The following DLG5 variants were observed in gnomAD, a reference collection of about 807,000 sequenced individuals.
DLG5 encodes discs large MAGUK scaffold protein 5.
Under a neutral mutation model 189.8 loss-of-function variants are expected in DLG5, and 48 were observed. The ratio of observed to expected loss-of-function variants is 0.25; its 90% CI spans 0.20 to 0.32. The LOEUF (loss-of-function observed/expected upper bound fraction) is 0.32, where lower values mean the gene tolerates loss of function less well. Among genes scored for constraint, DLG5 ranks in the 10% least tolerant of loss-of-function variants. The pLI is 1.00. For missense variants in DLG5, 2,160 were observed against 2,544.7 expected, an observed-to-expected ratio of 0.85 and a Z score of 3.25; for synonymous variants, 1,016 against 1,054.1, an observed-to-expected ratio of 0.96 and a Z score of 0.70.
intron 2 of DLG5, among the ~76,000 whole-genome samples, chr10:77,863,569 A>T (rs887644220): frequency 6.6e-6 from 1 of 152,236 alleles, no homozygotes; most frequent in Non-Finnish European, 1.5e-5. Flanking sequence ...TGGGTTGTCA[A>T]CAAAAGCCTC....
chr10:77,841,213 G>T (rs71475686), intron 7 of DLG5, among the ~76,000 whole-genome samples: 1 of 152,168 alleles, frequency 6.6e-6, no homozygotes, highest in African/African-American at 2.4e-5. Flanking sequence ...AAGGAGCTCC[G>T]CGATGAGGAG....
intron 1 of DLG5, among the ~76,000 whole-genome samples, chr10:77,879,109 A>C (rs1442945817): frequency 2.0e-5 from 3 of 152,196 alleles, no homozygotes; most frequent in Admixed American, 6.5e-5. Flanking sequence ...GCTATGAAGA[A>C]AAATGTTGCA....
chr10:77,883,172 T>C (rs558843700), intron 1 of DLG5, among the ~76,000 whole-genome samples: 2 of 152,162 alleles, frequency 1.3e-5, no homozygotes, highest in Admixed American at 1.3e-4. Flanking sequence ...ACTGGAAGGA[T>C]GGAAGCAGGG....
At position 77,812,086 on chromosome 10, in the gene DLG5, G is replaced by T. The variant is rs372072459; in HGVS notation, c.4189-29C>A. Reference sequence around the variant, plus strand: ...GGGAAACACCAGGATGGGCTCAGTGGGGGGGTCGGGGCTGTGGACAGGGAG... The same window carrying T: ...GGGAAACACCAGGATGGGCTCAGTGTGGGGGTCGGGGCTGTGGACAGGGAG... On this transcript the variant is annotated intron_variant, in intron 21 of 31. Coordinates refer to ENST00000372391, the MANE Select transcript of DLG5 (RefSeq NM_004747.4). 1,432 of 1,606,154 alleles carry T rather than the reference G, an allele frequency of 8.9e-4. 5 individuals are homozygous for T. Among genetic ancestry groups the T allele is most frequent in the East Asian group, 1.8e-3 (81 of 44,802 alleles).
At chr10:77,797,189 T>C (rs1189950100) in intron 27 of DLG5, among the ~76,000 whole-genome samples, 2 of 152,180 alleles carry the variant, frequency 1.3e-5, no homozygotes, top group Non-Finnish European at 2.9e-5. Context: ...GACAGAGAAA[T>C]AAACTGCCCA....
chr10:77,932,788 G>C, the DLG5 span, among the ~76,000 whole-genome samples: 7 of 152,192 alleles, frequency 4.6e-5, no homozygotes, highest in African/African-American at 1.7e-4. Context: ...TAAGCACCAG[G>C]AGCTCCACCC....
In DLG5 at chr10:77,841,997, G is replaced by T; in HGVS notation, c.1321C>A (p.Gln441Lys). 2 of 1,614,198 alleles carry T rather than the reference G, an allele frequency of 1.2e-6. No homozygotes were observed. Among genetic ancestry groups the T allele is most frequent in the Non-Finnish European group, 1.7e-6 (2 of 1,180,034 alleles). ...EYKLIMSERD[Q>K]VISELDKLQT... ...AGCTTGTCCAGCTCAGAGATGACCTGGTCACGCTCACTCATGATGAGCTTG... is the reference window on the plus strand; with the variant it reads ...AGCTTGTCCAGCTCAGAGATGACCTTGTCACGCTCACTCATGATGAGCTTG... Residue 441 changes from glutamine (Q) to lysine (K), a missense_variant, in exon 7 of 32, where the codon CAG becomes AAG. Gln to Lys is a moderately conservative substitution (Grantham distance 53, BLOSUM62 1). Coordinates refer to ENST00000372391, the MANE Select transcript of DLG5 (RefSeq NM_004747.4).
At chr10:77,872,081 C>T (rs771825190) in intron 1 of DLG5, among the ~76,000 whole-genome samples, 1 of 152,264 alleles carries the variant, frequency 6.6e-6, no homozygotes, top group Admixed American at 6.5e-5. Flanking sequence ...TTTTGGAAGA[C>T]GTCTACTCAG....
chr10:77,796,254 G>A lies in DLG5; in HGVS notation c.5309-66C>T, dbSNP rs77241270. On this transcript the variant is annotated intron_variant, in intron 28 of 31. Transcript: ENST00000372391. The surrounding 1 kb of genome is among the most constrained non-coding windows in gnomAD (Gnocchi z 5.2). ...TGCTGAGCCCCAGCAGAGGGAGCAG[G>A]GGAAGAACACTGCTCAGCAGCTGTC... 3,636 of 1,610,442 alleles carry A rather than the reference G, an allele frequency of 2.3e-3. 75 individuals are homozygous for A. In the African/African-American group the frequency reaches 0.041, roughly 18 times the overall value.
intron 1 of DLG5, among the ~76,000 whole-genome samples, chr10:77,900,165 C>A (rs1158846409): frequency 1.3e-5 from 2 of 152,126 alleles, no homozygotes; most frequent in African/African-American, 4.8e-5. Context: ...CACTAGGCAA[C>A]TTACCTAAGC....
chr10:77,830,991 C>G, intron 9 of DLG5, 118 bp from the exon 10 acceptor site: 1 of 1,231,080 alleles, frequency 8.1e-7, no homozygotes, highest in Non-Finnish European at 1.1e-6. Context: ...TTCCTTTCCC[C>G]CTTGTTTCCC....
intron 27 of DLG5, among the ~76,000 whole-genome samples, chr10:77,798,755 C>T (rs975372643): frequency 6.6e-6 from 1 of 152,130 alleles, no homozygotes; most frequent in Non-Finnish European, 1.5e-5. Context: ...ATGGACACTA[C>T]GTCACCATTC....
chr10:77,885,938 G>C (rs1030628990), intron 1 of DLG5, among the ~76,000 whole-genome samples: 1 of 152,140 alleles, frequency 6.6e-6, no homozygotes, highest in Non-Finnish European at 1.5e-5. Context: ...GTGCCCTCCA[G>C]CGAAGGCAAG....
the DLG5 span, among the ~76,000 whole-genome samples, chr10:77,934,735 C>A: frequency 6.6e-6 from 1 of 152,176 alleles, no homozygotes; most frequent in African/African-American, 2.4e-5. Flanking sequence ...AAGATCCCAG[C>A]GGCTACCACC....
intron 22 of DLG5, 122 bp from the exon 23 acceptor site, chr10:77,811,356 G>A (rs1603641192): frequency 8.1e-7 from 1 of 1,241,140 alleles, no homozygotes; most frequent in East Asian, 2.5e-5. Flanking sequence ...TGCACCCTGT[G>A]CCCTGAGCAG....
chr10:77,887,621 G>A (rs1237917170), intron 1 of DLG5, among the ~76,000 whole-genome samples: 1 of 152,120 alleles, frequency 6.6e-6, no homozygotes, highest in East Asian at 1.9e-4. Flanking sequence ...GAATATATTT[G>A]GAAAGGCTAC....
chr10:77,903,260 T>G (rs1359530152), intron 1 of DLG5, among the ~76,000 whole-genome samples: 1 of 151,994 alleles, frequency 6.6e-6, no homozygotes, highest in Admixed American at 6.6e-5. Context: ...AACCCCCGTC[T>G]CTACTAAAAA....
intron 1 of DLG5, among the ~76,000 whole-genome samples, chr10:77,919,557 A>C (rs1846473604): frequency 7.2e-6 from 1 of 139,858 alleles, no homozygotes; most frequent in Non-Finnish European, 1.5e-5. Flanking sequence ...AAGATTTTGC[A>C]GTTAGGAACA....
rs572659399 is a variant in DLG5 at position 77,890,877 on chromosome 10, C to T, written c.305-21680G>A. On this transcript the variant is annotated intron_variant, in intron 1 of 31. Transcript: ENST00000372391. ...AGAATAAAACCTGCCTGGAAGCTGGCACTGGAGGGTCTCCATGGGCCCAGC... is the reference window on the plus strand; with the variant it reads ...AGAATAAAACCTGCCTGGAAGCTGGTACTGGAGGGTCTCCATGGGCCCAGC... 5.3e-5 allele frequency among the ~76,000 whole-genome samples: 8 copies of T among 152,316 alleles called. No individual in the cohort carries two copies. In the South Asian group the frequency reaches 1.0e-3, roughly 20 times the overall value.
Sources: gnomAD v4.1 joint callset for allele counts (sites outside exome capture counted in the v4.1 genomes callset) on GRCh38, gnomAD v4.1.1 for gene constraint, Gnocchi (gnomAD v3.1) non-coding constraint, MANE v1.5 for transcripts, NCBI Gene and HGNC (gene_info 2026-07-23, HGNC 2026-07-21) for gene names.